Variants in CPED1 observed in about 807,000 individuals in gnomAD.
CPED1 encodes the protein cadherin like and PC-esterase domain containing 1.
In CPED1, 114 loss-of-function variants were observed where a neutral mutation model predicts 128.2. That is an observed-to-expected ratio of 0.89 (90% CI 0.76 to 1.04). The LOEUF is 1.04. Ranked by LOEUF, CPED1 falls within the 50% of genes least tolerant of loss-of-function variation. The pLI is 0.00. For synonymous variants in CPED1, 462 were observed against 426.7 expected (o/e 1.08, Z -1.02); for missense variants, 1,211 against 1,207.1 (o/e 1.00, Z -0.05).
At chr7:121,139,681 A>T (rs982463402) in intron 14 of CPED1, among the ~76,000 whole-genome samples, 1 of 152,144 alleles carries the variant, frequency 6.6e-6, no homozygotes, top group Non-Finnish European at 1.5e-5. Flanking sequence ...ATGAGAAACC[A>T]CTAAAGAATG....
intron 5 of CPED1, among the ~76,000 whole-genome samples, chr7:121,074,458 A>G (rs6962260): frequency 0.91 from 135,488 of 149,130 alleles, 61,649 homozygotes; most frequent in Middle Eastern, 0.99. Context: ...ACTCCTCCCT[A>G]CCTTAAATCC....
intron 4 of CPED1, among the ~76,000 whole-genome samples, chr7:121,052,306 C>A (rs981715576): frequency 2.0e-5 from 3 of 152,148 alleles, no homozygotes; most frequent in African/African-American, 7.2e-5. Flanking sequence ...TAACTCAGTT[C>A]TTCACTTTGT....
chr7:121,062,089 G>T lies in CPED1; in HGVS notation c.541-2149G>T, dbSNP rs1055344122. Among the ~76,000 whole-genome samples, 45 of 152,208 alleles carry T rather than the reference G, an allele frequency of 3.0e-4. 1 individual carries two copies. Among genetic ancestry groups the T allele is most frequent in the Admixed American group, 2.7e-3 (41 of 15,280 alleles). On this transcript the variant is annotated intron_variant, in intron 4 of 22. Coordinates refer to ENST00000310396, the MANE Select transcript of CPED1 (RefSeq NM_024913.5). ...GGGACAGGAAAATAGAAGGCAGAAGGATAGAACAATTGTTTCCCTTGGCTT... is the reference window on the plus strand; with the variant it reads ...GGGACAGGAAAATAGAAGGCAGAAGTATAGAACAATTGTTTCCCTTGGCTT...
intron 16 of CPED1, among the ~76,000 whole-genome samples, chr7:121,178,617 C>T (rs1202108178): frequency 6.6e-6 from 1 of 152,010 alleles, no homozygotes; most frequent in African/African-American, 2.4e-5. Context: ...ACATGTGTCC[C>T]AAATTAAAAT....
chr7:121,103,748 T>C (rs1199315340), intron 7 of CPED1, among the ~76,000 whole-genome samples: 1 of 152,134 alleles, frequency 6.6e-6, no homozygotes, highest in African/African-American at 2.4e-5. Flanking sequence ...GTTAAATCAG[T>C]AGTGATTTAT....
chr7:121,084,259 C>T (rs1794367497), intron 5 of CPED1, among the ~76,000 whole-genome samples: 1 of 152,148 alleles, frequency 6.6e-6, no homozygotes, highest in Non-Finnish European at 1.5e-5. Context: ...CTGGTTGATC[C>T]AGAATGAAAT....
chr7:121,044,250 A>G (rs1391442994), intron 3 of CPED1, among the ~76,000 whole-genome samples: 2 of 152,220 alleles, frequency 1.3e-5, no homozygotes, highest in Non-Finnish European at 1.5e-5. Context: ...TGTTGGAAAT[A>G]GAAATGAAGA....
At chr7:121,116,975 TATAC>T (rs71765037) in intron 7 of CPED1, among the ~76,000 whole-genome samples, 15,156 of 144,552 alleles carry the variant, frequency 0.1, 1,027 homozygotes, top group East Asian at 0.34. Context: ...TATATATATA[TATAC>T]ACACACACAC....
chr7:121,218,805 C>T (rs1783413401), intron 16 of CPED1, among the ~76,000 whole-genome samples: 1 of 151,932 alleles, frequency 6.6e-6, no homozygotes, highest in Non-Finnish European at 1.5e-5. Context: ...TGTATACCTA[C>T]ATAAAAAACC....
chr7:121,067,536 C>T (rs1793870432), intron 5 of CPED1, among the ~76,000 whole-genome samples: 2 of 152,200 alleles, frequency 1.3e-5, no homozygotes, highest in South Asian at 4.1e-4. Flanking sequence ...GGCTTGGTTC[C>T]AAGTCTTTGC....
intron 16 of CPED1, among the ~76,000 whole-genome samples, chr7:121,226,092 CTGGGTTTTCCCCA>C (rs929408075): frequency 6.6e-6 from 1 of 152,094 alleles, no homozygotes; most frequent in African/African-American, 2.4e-5. Context: ...CTTTTCTGCT[CTGGGTTTTCCCCA>C]TCGTTATGGT....
At chr7:121,129,611 T>G (rs902958568) in intron 11 of CPED1, among the ~76,000 whole-genome samples, 2 of 151,854 alleles carry the variant, frequency 1.3e-5, no homozygotes, top group Admixed American at 6.6e-5. Context: ...CTTTAGATAC[T>G]GTTACTATGG....
At chr7:121,125,781 G>A (rs1039041618) in intron 8 of CPED1, 39 bp from the exon 9 acceptor site, 1 of 1,456,290 alleles carries the variant, frequency 6.9e-7, no homozygotes, top group Non-Finnish European at 9.6e-7. Context: ...CCATGTGCAT[G>A]TATCTTTACT....
intron 18 of CPED1, among the ~76,000 whole-genome samples, chr7:121,247,820 C>G (rs537873822): frequency 6.6e-6 from 1 of 152,140 alleles, no homozygotes; most frequent in South Asian, 2.1e-4. Flanking sequence ...GGCACCCATC[C>G]CCCAAGTTTC....
At chr7:121,280,449 G>A (rs139865714) in intron 22 of CPED1, among the ~76,000 whole-genome samples, 1 of 152,302 alleles carries the variant, frequency 6.6e-6, no homozygotes, top group African/African-American at 2.4e-5. Flanking sequence ...CCAAGGGCAG[G>A]AGTTACAAAG....
intron 3 of CPED1, among the ~76,000 whole-genome samples, chr7:121,031,900 C>A (rs1301902784): frequency 2.0e-5 from 3 of 152,002 alleles, no homozygotes; most frequent in Non-Finnish European, 4.4e-5. Context: ...AGATGCTGAA[C>A]CTCATAAAAA....
intron 16 of CPED1, among the ~76,000 whole-genome samples, chr7:121,154,379 T>C (rs1252522607): frequency 6.6e-6 from 1 of 152,136 alleles, no homozygotes; most frequent in African/African-American, 2.4e-5. Flanking sequence ...TTCTAGTCCT[T>C]AGAGAAAAGG....
chr7:121,237,776 G>C (rs1370323900), intron 17 of CPED1, among the ~76,000 whole-genome samples: 2 of 152,114 alleles, frequency 1.3e-5, no homozygotes, highest in Admixed American at 1.3e-4. Flanking sequence ...AGCTTGAATG[G>C]GAAATGAGTT....
intron 5 of CPED1, among the ~76,000 whole-genome samples, chr7:121,084,538 A>G (rs1449871580): frequency 1.3e-5 from 2 of 152,162 alleles, no homozygotes; most frequent in South Asian, 2.1e-4. Context: ...TCACATTGCT[A>G]TTGGTGATGT....
Sources: allele counts gnomAD v4.1 joint callset (sites outside exome capture counted in the v4.1 genomes callset), GRCh38; gene constraint gnomAD v4.1.1; transcripts MANE v1.5; gene names NCBI Gene and HGNC (gene_info 2026-07-23, HGNC 2026-07-21).